HS2ST1: variants seen among roughly 807,000 people sequenced by gnomAD.
HS2ST1 encodes the protein 2-O-sulfotransferase.
HS2ST1 carries 18 observed loss-of-function variants against 42.9 expected under a neutral mutation model. The ratio of observed to expected loss-of-function variants is 0.42; its 90% CI spans 0.29 to 0.62. HS2ST1 has a LOEUF of 0.62. Ranked by LOEUF, HS2ST1 falls within the 20% of genes least tolerant of loss-of-function variation. HS2ST1 has a pLI of 0.21. For synonymous variants in HS2ST1, 146 were observed against 152.9 expected (o/e 0.95, Z 0.33); for missense variants, 334 against 433.8 (o/e 0.77, Z 2.04).
intron 1 of HS2ST1, among the ~76,000 whole-genome samples, chr1:86,929,336 A>C (rs1395640439): frequency 6.6e-6 from 1 of 151,980 alleles, no homozygotes; most frequent in African/African-American, 2.4e-5. Context: ...TTGTCTGATA[A>C]GTCCTCAGAT....
chr1:86,951,438 G>T (rs1647511852), intron 1 of HS2ST1, among the ~76,000 whole-genome samples: 1 of 152,214 alleles, frequency 6.6e-6, no homozygotes, highest in Admixed American at 6.5e-5. Flanking sequence ...CTCAGTGCAT[G>T]TAAAAGTTAT....
intron 1 of HS2ST1, among the ~76,000 whole-genome samples, chr1:86,984,997 T>G (rs944748200): frequency 5.3e-5 from 8 of 151,822 alleles, no homozygotes; most frequent in African/African-American, 1.9e-4. Flanking sequence ...AGTATCCTGT[T>G]AGCATTTATA....
intron 1 of HS2ST1, among the ~76,000 whole-genome samples, chr1:86,938,145 TTGGTTGAACA>T (rs1453511985): frequency 6.6e-6 from 1 of 152,170 alleles, no homozygotes; most frequent in East Asian, 1.9e-4. Context: ...GAAAGATTCA[TTGGTTGAACA>T]TGGTTTTATG....
chr1:86,962,360 T>C (rs1173656645), intron 1 of HS2ST1, among the ~76,000 whole-genome samples: 2 of 152,060 alleles, frequency 1.3e-5, no homozygotes, highest in Non-Finnish European at 2.9e-5. Context: ...CAGATAATTA[T>C]AAAATATGAA....
chr1:87,009,329 G>A (rs1363293295), intron 1 of HS2ST1, among the ~76,000 whole-genome samples: 1 of 152,166 alleles, frequency 6.6e-6, no homozygotes, highest in Non-Finnish European at 1.5e-5. Context: ...AAGGTGAACA[G>A]GCTCAAATTA....
In HS2ST1 at chr1:86,914,954, G is replaced by A. The variant is rs1290481573; in HGVS notation, c.-83G>A. Reference sequence around the variant, plus strand: ...CTCTTTGCCTCGCTCCCGGCTCGGCGGGCTCCTCCCGGCGTCTCTCTCGCC... The same window carrying A: ...CTCTTTGCCTCGCTCCCGGCTCGGCAGGCTCCTCCCGGCGTCTCTCTCGCC... On this transcript the variant is annotated 5_prime_UTR_variant, in exon 1 of 7. Transcript: ENST00000370550. The A allele has an allele frequency of 3.9e-6, 6 of 1,556,430 alleles. No individual in the cohort carries two copies. The highest frequency in any genetic ancestry group is 5.2e-6 in the Non-Finnish European group (6 of 1,143,222).
chr1:87,096,039 T>C (rs1557544635), intron 4 of HS2ST1, among the ~76,000 whole-genome samples: 1 of 151,846 alleles, frequency 6.6e-6, no homozygotes, highest in Non-Finnish European at 1.5e-5. Context: ...GACAGCTGAT[T>C]TTCATATTTG....
At chr1:87,039,649 A>C (rs1339209724) in intron 1 of HS2ST1, among the ~76,000 whole-genome samples, 4 of 152,202 alleles carry the variant, frequency 2.6e-5, no homozygotes, top group Admixed American at 6.5e-5. Context: ...TCAGTAATCT[A>C]TTCAGTGAAT....
intron 1 of HS2ST1, among the ~76,000 whole-genome samples, chr1:86,957,263 CAATTT>C (rs1204992515): frequency 6.6e-6 from 1 of 152,082 alleles, no homozygotes; most frequent in Non-Finnish European, 1.5e-5. Context: ...TTTAATTTGA[CAATTT>C]AATTCTTACA....
intron 1 of HS2ST1, among the ~76,000 whole-genome samples, chr1:86,958,796 A>G (rs928240360): frequency 3.3e-5 from 5 of 152,212 alleles, no homozygotes; most frequent in African/African-American, 1.2e-4. Flanking sequence ...AAACTAAACT[A>G]CAGACCAAAA....
intron 1 of HS2ST1, among the ~76,000 whole-genome samples, chr1:86,983,969 G>A (rs1201310896): frequency 1.3e-5 from 2 of 152,050 alleles, no homozygotes; most frequent in South Asian, 4.1e-4. Flanking sequence ...GAACCCAGGA[G>A]GCAAAGGTTG....
intron 1 of HS2ST1, among the ~76,000 whole-genome samples, chr1:86,963,940 C>T (rs1170591442): frequency 4.1e-5 from 6 of 147,862 alleles, no homozygotes; most frequent in South Asian, 2.1e-4. Flanking sequence ...TGGGCGGAGA[C>T]GCTCCTCACT....
intron 1 of HS2ST1, among the ~76,000 whole-genome samples, chr1:86,955,281 G>A (rs917321496): frequency 2.0e-5 from 3 of 152,008 alleles, no homozygotes; most frequent in Non-Finnish European, 4.4e-5. Context: ...CCAACCCTGG[G>A]GCCACTGACT....
intron 1 of HS2ST1, among the ~76,000 whole-genome samples, chr1:87,049,217 TTTA>T: frequency 6.6e-6 from 1 of 152,154 alleles, no homozygotes; most frequent in Non-Finnish European, 1.5e-5. Flanking sequence ...ATAATATTCT[TTTA>T]TTGTCTGTAG....
At chr1:86,990,745 G>A (rs1177965099) in intron 1 of HS2ST1, among the ~76,000 whole-genome samples, 1 of 142,850 alleles carries the variant, frequency 7.0e-6, no homozygotes, top group Non-Finnish European at 1.5e-5. Flanking sequence ...CCAGGTTCAA[G>A]CGATTCTCCT....
intron 1 of HS2ST1, among the ~76,000 whole-genome samples, chr1:86,965,932 G>C (rs902387968): frequency 6.6e-6 from 1 of 152,196 alleles, no homozygotes; most frequent in Non-Finnish European, 1.5e-5. Context: ...AAGATACTTT[G>C]TGTTATCATT....
chr1:86,940,742 G>GCTA (rs1315804251), intron 1 of HS2ST1, among the ~76,000 whole-genome samples: 1 of 152,096 alleles, frequency 6.6e-6, no homozygotes, highest in Non-Finnish European at 1.5e-5. Flanking sequence ...TGTAATCCTA[G>GCTA]CTAGCCCTTT....
chr1:87,059,491 A>C (rs1213193662), intron 1 of HS2ST1, among the ~76,000 whole-genome samples: 1 of 152,194 alleles, frequency 6.6e-6, no homozygotes, highest in Admixed American at 6.5e-5. Context: ...ATTTATAAAG[A>C]GATGAGGGAT....
Position 87,072,660 on chromosome 1 carries a change from T to G in HS2ST1, c.125-274T>G, listed in dbSNP as rs568974018. On this transcript the variant is annotated intron_variant, in intron 1 of 6. Transcript: ENST00000370550. ...CATATGTATTATCCTTCATAAGGAA[T>G]TCTGAAGCTTTGGTCCTCAAAACAT... is the stretch of plus-strand genomic sequence containing the variant. Among the ~76,000 whole-genome samples the G allele has an allele frequency of 1.2e-3, 182 of 152,302 alleles. 1 individual carries two copies. The highest frequency in any genetic ancestry group is 4.1e-3 in the African/African-American group (171 of 41,572).
Sources: gnomAD v4.1 joint callset for allele counts (sites outside exome capture counted in the v4.1 genomes callset) on GRCh38, gnomAD v4.1.1 for gene constraint, MANE v1.5 for transcripts, NCBI Gene and HGNC (gene_info 2026-07-23, HGNC 2026-07-21) for gene names.